The following GAS2 variants were observed in gnomAD, a reference collection of about 807,000 sequenced individuals.
GAS2 encodes growth arrest specific 2, also known as growth arrest-specific protein 2.
GAS2 carries 20 observed loss-of-function variants against 37.5 expected under a neutral mutation model. The observed-to-expected ratio is 0.53, with a 90% confidence interval of 0.37 to 0.77. GAS2 has a LOEUF of 0.77. Among genes scored for constraint, GAS2 ranks in the 30% least tolerant of loss-of-function variants. GAS2 has a pLI of 0.00. For missense variants in GAS2, 336 were observed against 373.4 expected (o/e 0.90, Z 0.82); for synonymous variants, 144 against 132.2 (o/e 1.09, Z -0.61).
chr11:22,712,408 A>T (rs1468321066), intron 3 of GAS2, among the ~76,000 whole-genome samples: 1 of 152,164 alleles, frequency 6.6e-6, no homozygotes, highest in African/African-American at 2.4e-5. Context: ...ACCAGCCTAG[A>T]GCCCAGTTGC....
intron 4 of GAS2, among the ~76,000 whole-genome samples, chr11:22,730,010 T>TA (rs1852398794): frequency 1.3e-5 from 2 of 151,706 alleles, no homozygotes; most frequent in South Asian, 2.1e-4. Flanking sequence ...ACTGAAACAT[T>TA]AAAAAAATAG....
At chr11:22,755,362 G>A (rs548300473) in intron 6 of GAS2, among the ~76,000 whole-genome samples, 5 of 152,004 alleles carry the variant, frequency 3.3e-5, no homozygotes, top group African/African-American at 1.2e-4. Context: ...TGAAACAATA[G>A]TCTCCTTAAA....
At chr11:22,677,741 T>C (rs1849494758) in intron 2 of GAS2, among the ~76,000 whole-genome samples, 1 of 152,168 alleles carries the variant, frequency 6.6e-6, no homozygotes. Flanking sequence ...ACCTGGCCTC[T>C]GGTTCTGGCT....
chr11:22,692,062 A>G (rs1850269981), intron 3 of GAS2, among the ~76,000 whole-genome samples: 1 of 152,168 alleles, frequency 6.6e-6, no homozygotes, highest in Admixed American at 6.6e-5. Flanking sequence ...TTGGTAAATC[A>G]TATAGAATAA....
At chr11:22,762,314 C>T (rs1255928608) in intron 7 of GAS2, among the ~76,000 whole-genome samples, 1 of 152,050 alleles carries the variant, frequency 6.6e-6, no homozygotes, top group East Asian at 1.9e-4. Flanking sequence ...GGCATTTTAC[C>T]AGCTGCTTTA....
At chr11:22,650,741 C>G (rs900811520) in intron 1 of GAS2, among the ~76,000 whole-genome samples, 2 of 150,790 alleles carry the variant, frequency 1.3e-5, no homozygotes, top group African/African-American at 5.0e-5. Flanking sequence ...GAATTGCAAC[C>G]CCTGCCTTTT....
chr11:22,647,886 T>C (rs1401410121), intron 1 of GAS2, among the ~76,000 whole-genome samples: 1 of 152,216 alleles, frequency 6.6e-6, no homozygotes, highest in East Asian at 1.9e-4. Flanking sequence ...CTGTTCACTC[T>C]GATGGTAGTT....
chr11:22,700,885 C>T (rs184269735), intron 3 of GAS2, among the ~76,000 whole-genome samples: 10 of 152,230 alleles, frequency 6.6e-5, no homozygotes, highest in East Asian at 1.9e-4. Flanking sequence ...TGACCTGAAA[C>T]GAAGTGCTGT....
chr11:22,671,274 T>G lies in GAS2; in HGVS notation c.-20-3576T>G, dbSNP rs551667051. On this transcript the variant is annotated intron_variant, in intron 1 of 7. Coordinates refer to ENST00000454584, the MANE Select transcript of GAS2 (RefSeq NM_001143830.3). ...TTAGTATTAAGTTTCTGCATGTTTT[T>G]CTCTTGAAGTTTTATTTTTCTGGAT... Among the ~76,000 whole-genome samples, 11 of 152,232 alleles carry G rather than the reference T, an allele frequency of 7.2e-5. No individual in the cohort carries two copies. The South Asian group carries it at 1.5e-3, about 20-fold the overall frequency.
intron 1 of GAS2, among the ~76,000 whole-genome samples, chr11:22,649,407 G>A (rs939752416): frequency 6.6e-6 from 1 of 151,860 alleles, no homozygotes. Flanking sequence ...GCCCGGCTTT[G>A]GTATCAGGAT....
intron 5 of GAS2, among the ~76,000 whole-genome samples, chr11:22,747,292 A>G (rs1853461455): frequency 6.6e-6 from 1 of 152,188 alleles, no homozygotes; most frequent in African/African-American, 2.4e-5. Flanking sequence ...AAGGAGACAG[A>G]CAGTGATCTC....
Position 22,653,967 on chromosome 11 carries a change from A to G in GAS2, c.-20-20883A>G, listed in dbSNP as rs373652307. ...CTATAATGTAAGAAAATCAAGTCAC[A>G]TGGAGAAGGCTCAGTCATCCCACAC... is the stretch of plus-strand genomic sequence containing the variant. On this transcript the variant is annotated intron_variant, in intron 1 of 5. Transcript: ENST00000528582. 1.9e-4 allele frequency among the ~76,000 whole-genome samples: 29 copies of G among 152,318 alleles called. No individual in the cohort carries two copies. The East Asian group carries it at 2.3e-3, about 12-fold the overall frequency.
At chr11:22,641,869 T>C (rs1409816014) in intron 1 of GAS2, among the ~76,000 whole-genome samples, 1 of 152,168 alleles carries the variant, frequency 6.6e-6, no homozygotes, top group African/African-American at 2.4e-5. Context: ...CCATATACTG[T>C]TGCAGATCTA....
chr11:22,812,251 T>A lies in GAS2; in HGVS notation c.*235T>A. On this transcript the variant is annotated 3_prime_UTR_variant, in exon 8 of 8. Coordinates refer to ENST00000454584, the MANE Select transcript of GAS2 (RefSeq NM_001143830.3). Reference sequence around the variant, plus strand: ...TAAATTATCCAAATTTTAGGCAAATTATTATTTCTCAATATGCGAACACAG... The same window carrying A: ...TAAATTATCCAAATTTTAGGCAAATAATTATTTCTCAATATGCGAACACAG... The A allele has an allele frequency of 2.1e-6, 1 of 466,048 alleles. No individual in the cohort carries two copies. The highest frequency in any genetic ancestry group is 3.8e-6 in the Non-Finnish European group (1 of 259,980). The allele number at this position is 466,048 out of a possible 1,614,324, so 28.9% of individuals were successfully genotyped here.
intron 7 of GAS2, among the ~76,000 whole-genome samples, chr11:22,791,913 A>G (rs544593295): frequency 6.6e-6 from 1 of 152,328 alleles, no homozygotes; most frequent in Non-Finnish European, 1.5e-5. Context: ...ATCAATGAGG[A>G]GTGAATATTG....
intron 3 of GAS2, among the ~76,000 whole-genome samples, chr11:22,715,247 G>T (rs1590695988): frequency 6.6e-6 from 1 of 151,870 alleles, no homozygotes; most frequent in African/African-American, 2.4e-5. Context: ...GGATCACCAG[G>T]TGAGGAGTTC....
rs1222244295 is a variant in GAS2 at position 22,652,303 on chromosome 11, G to GA, written c.-20-22543dup. ...TCTCAGATCTCCAGCTGTGTGCTGG[G>GA]AAAACCACTGCTCTCTTCAAAGCTG... On this transcript the variant is annotated intron_variant, in intron 1 of 5. Transcript: ENST00000528582. Among the ~76,000 whole-genome samples, 17 of 152,322 alleles carry GA rather than the reference G, an allele frequency of 1.1e-4. No homozygotes were observed. In the East Asian group the frequency reaches 3.3e-3, roughly 29 times the overall value.
rs367996634 is a variant in GAS2 at position 22,779,045 on chromosome 11, G to GTTT, written c.723+23103_723+23105dup. On this transcript the variant is annotated intron_variant, in intron 7 of 7. Transcript: ENST00000454584. ...AAACAATGATCCCATTAAGTTTTTT[G>GTTT]TTTTTTTTTTTTTCTCTTCAGTGTT... Among the ~76,000 whole-genome samples, 396 of 136,426 alleles carry GTTT rather than the reference G, an allele frequency of 2.9e-3. 3 individuals are homozygous for GTTT. The highest frequency in any genetic ancestry group is 0.01 in the African/African-American group (378 of 36,856). 89.5% of individuals were successfully genotyped at this position (136,426 alleles called of 152,430 possible).
intron 2 of GAS2, 94 bp from the exon 3 acceptor site, chr11:22,685,574 A>C: frequency 7.5e-7 from 1 of 1,340,972 alleles, no homozygotes; most frequent in Non-Finnish European, 1.0e-6. Flanking sequence ...CAGCTAGAAT[A>C]GCAATTTTAG....
Sources: gnomAD v4.1 joint callset for allele counts (sites outside exome capture counted in the v4.1 genomes callset) on GRCh38, gnomAD v4.1.1 for gene constraint, MANE v1.5 for transcripts, NCBI Gene and HGNC (gene_info 2026-07-23, HGNC 2026-07-21) for gene names.